Variants in RIMBP2 observed in about 807,000 individuals in gnomAD.
RIMBP2 encodes RIMS-binding protein 2.
In RIMBP2, 48 loss-of-function variants were observed where a neutral mutation model predicts 118.6. The ratio of observed to expected loss-of-function variants is 0.40; its 90% CI spans 0.32 to 0.51. The LOEUF is 0.51. Ranked by LOEUF, RIMBP2 falls within the 20% of genes least tolerant of loss-of-function variation. The pLI is 0.41. For synonymous variants in RIMBP2, 762 were observed against 742.9 expected, an observed-to-expected ratio of 1.03 and a Z score of -0.42; for missense variants, 1,551 against 1,768.3, an observed-to-expected ratio of 0.88 and a Z score of 2.20.
chr12:130,652,567 T>C (rs1482342901), intron 1 of RIMBP2, among the ~76,000 whole-genome samples: 1 of 152,226 alleles, frequency 6.6e-6, no homozygotes, highest in Non-Finnish European at 1.5e-5. Flanking sequence ...AAGGATTATA[T>C]TGGGCCGTAT....
intron 1 of RIMBP2, among the ~76,000 whole-genome samples, chr12:130,642,550 G>A (rs2141033695): frequency 6.6e-6 from 1 of 152,290 alleles, no homozygotes; most frequent in African/African-American, 2.4e-5. Context: ...CTCCTAAAGT[G>A]TTGGGATTAC....
chr12:130,553,097 G>A (rs1593770815), intron 2 of RIMBP2, among the ~76,000 whole-genome samples: 1 of 151,450 alleles, frequency 6.6e-6, no homozygotes, highest in South Asian at 2.1e-4. Context: ...AGCTTGCAGT[G>A]AGCCGAGATC....
intron 1 of RIMBP2, among the ~76,000 whole-genome samples, chr12:130,676,282 G>GA (rs35374453): frequency 0.32 from 46,319 of 146,590 alleles, 7,705 homozygotes; most frequent in Non-Finnish European, 0.39. Flanking sequence ...CCCAAAATTG[G>GA]AAAAAAAATC....
chr12:130,458,773 G>A (rs945932931), intron 6 of RIMBP2, among the ~76,000 whole-genome samples: 6 of 152,148 alleles, frequency 3.9e-5, no homozygotes, highest in Non-Finnish European at 7.4e-5. Context: ...GGCCAGGCAC[G>A]GTGGCTCACG....
At chr12:130,589,672 G>T in intron 2 of RIMBP2, among the ~76,000 whole-genome samples, 1 of 152,116 alleles carries the variant, frequency 6.6e-6, no homozygotes, top group Non-Finnish European at 1.5e-5. Flanking sequence ...TAATCCTTCC[G>T]CAATGTATAA....
intron 3 of RIMBP2, 57 bp downstream of exon 3, chr12:130,517,771 G>A (rs2051629269): frequency 1.4e-6 from 1 of 732,782 alleles, no homozygotes; most frequent in Non-Finnish European, 1.7e-6. Flanking sequence ...GTTCCTCCCT[G>A]GCCCAGCCCG....
In RIMBP2 at chr12:130,617,993, A is replaced by G. The variant is rs551964619; in HGVS notation, c.-217+10329T>C. Among the ~76,000 whole-genome samples, 137 of 131,320 alleles carry G rather than the reference A, an allele frequency of 1.0e-3. 1 individual carries two copies. Among genetic ancestry groups the G allele is most frequent in the African/African-American group, 3.4e-3 (125 of 36,680 alleles). 86.2% of individuals were successfully genotyped at this position (131,320 alleles called of 152,430 possible). A position where few individuals can be genotyped will look rare whatever the true frequency, so the allele number is the denominator to read the frequency against. The stretch of plus-strand genomic sequence containing the variant: ...GATCACTTGAGCCCAGGAGTTTGAG[A>G]CCAGCCTGGGCAACATAGAAAGACC... On this transcript the variant is annotated intron_variant, in intron 2 of 22. Coordinates refer to ENST00000690449, the MANE Select transcript of RIMBP2 (RefSeq NM_001393629.1). The surrounding 1 kb of genome is among the most constrained non-coding windows in gnomAD (Gnocchi z 4.6).
chr12:130,469,560 A>G lies in RIMBP2; in HGVS notation c.153+1133T>C, dbSNP rs1437097159. ...ATTCTCCCAGGTTATATATTTTCCT[A>G]TTTGCTATTCATCACACTCCTCCCT... On this transcript the variant is annotated intron_variant, in intron 6 of 22. Coordinates refer to ENST00000690449, the MANE Select transcript of RIMBP2 (RefSeq NM_001393629.1). The surrounding 1 kb of genome is among the most constrained non-coding windows in gnomAD (Gnocchi z 4.8). Among the ~76,000 whole-genome samples, 2 of 152,110 alleles carry G rather than the reference A, an allele frequency of 1.3e-5. No homozygotes were observed. Among genetic ancestry groups the G allele is most frequent in the Non-Finnish European group, 1.5e-5 (1 of 68,006 alleles).
At chr12:130,648,760 G>T (rs933417744) in intron 1 of RIMBP2, among the ~76,000 whole-genome samples, 1 of 143,698 alleles carries the variant, frequency 7.0e-6, no homozygotes, top group Non-Finnish European at 1.6e-5. Flanking sequence ...GGGTTCAAGC[G>T]ATTCTCGCTC....
chr12:130,497,776 C>T (rs1244378167), intron 4 of RIMBP2, among the ~76,000 whole-genome samples: 2 of 152,212 alleles, frequency 1.3e-5, no homozygotes, highest in Non-Finnish European at 2.9e-5. Context: ...TCACAATGCA[C>T]TCACTTCTGA....
intron 4 of RIMBP2, among the ~76,000 whole-genome samples, chr12:130,480,914 TTTTA>T (rs1278891794): frequency 6.6e-6 from 1 of 152,168 alleles, no homozygotes; most frequent in Non-Finnish European, 1.5e-5. Flanking sequence ...TTTTACTCAT[TTTTA>T]TTTAGTTTTG....
At position 130,565,970 on chromosome 12, in the gene RIMBP2, T is replaced by C. The variant is rs76270095; in HGVS notation, c.-216-48053A>G. Among the ~76,000 whole-genome samples the C allele has an allele frequency of 0.019, 2,958 of 152,312 alleles. 211 individuals carry two copies. The East Asian group carries it at 0.21, about 11-fold the overall frequency. The stretch of plus-strand genomic sequence containing the variant: ...ATGTGAAAACCTGTATCAGAGATGA[T>C]GCATTTTCTTCCTAGCAGGCTTGTC... On this transcript the variant is annotated intron_variant, in intron 2 of 22. Coordinates refer to ENST00000690449, the MANE Select transcript of RIMBP2 (RefSeq NM_001393629.1).
chr12:130,450,250 G>T lies in RIMBP2; in HGVS notation c.531C>A (p.Thr177=). ...SDMENERNSN[T]SKQRYSGKVH... is the part of the protein sequence containing the mutation. ...CCTTCCCCGAGTATCTCTGCTTGGA[G>T]GTATTGGAATTCCGTTCATTCTCCA... is the stretch of plus-strand genomic sequence containing the variant. The change falls in exon 9 of 23, where the codon ACC becomes ACA. Residue 177 remains threonine (T), a synonymous_variant. Transcript: ENST00000690449. The surrounding 1 kb of genome is among the most constrained non-coding windows in gnomAD (Gnocchi z 4.8). 1 of 1,609,776 alleles carries T rather than the reference G, an allele frequency of 6.2e-7. No homozygotes were observed.
Position 130,397,204 on chromosome 12 carries a change from T to G in RIMBP2, c.*157A>C. 1 of 376,996 alleles carries G rather than the reference T, an allele frequency of 2.7e-6. No individual in the cohort carries two copies. Among genetic ancestry groups the G allele is most frequent in the Non-Finnish European group, 4.7e-6 (1 of 212,746 alleles). The allele number at this position is 376,996 out of a possible 1,614,324, so 23.4% of individuals were successfully genotyped here. Reference sequence around the variant, plus strand: ...GAGCAACCGCTCCTCTTTGTTCTCGTGGTTGGTTTAAAGTGGTTGGTAGTG... The same window carrying G: ...GAGCAACCGCTCCTCTTTGTTCTCGGGGTTGGTTTAAAGTGGTTGGTAGTG... On this transcript the variant is annotated 3_prime_UTR_variant, in exon 23 of 23. Coordinates refer to ENST00000690449, the MANE Select transcript of RIMBP2 (RefSeq NM_001393629.1).
At chr12:130,534,536 C>T (rs1253497776) in intron 2 of RIMBP2, among the ~76,000 whole-genome samples, 2 of 152,174 alleles carry the variant, frequency 1.3e-5, no homozygotes, top group South Asian at 2.1e-4. Flanking sequence ...GCACTTGTAC[C>T]CCTTAAATAT....
intron 1 of RIMBP2, among the ~76,000 whole-genome samples, chr12:130,642,894 C>T (rs571876055): frequency 1.1e-4 from 16 of 152,286 alleles, no homozygotes; most frequent in African/African-American, 2.9e-4. Flanking sequence ...GCCACACTGC[C>T]GCTCACTGAG....
Position 130,478,905 on chromosome 12 carries a change from C to G in RIMBP2, c.102+7G>C, listed in dbSNP as rs370598221. The G allele has an allele frequency of 6.2e-7, 1 of 1,608,846 alleles. No individual in the cohort carries two copies. The highest frequency in any genetic ancestry group is 8.5e-7 in the Non-Finnish European group (1 of 1,176,548). On this transcript the variant is annotated splice_region_variant and intron_variant, in intron 5 of 22. Coordinates refer to ENST00000690449, the MANE Select transcript of RIMBP2 (RefSeq NM_001393629.1). The stretch of plus-strand genomic sequence containing the variant: ...TCGCACGCCGCGCCCGGCTGCCCGC[C>G]GCTTACCTTCTGCAGAAGGTCAATT...
chr12:130,454,657 G>A (rs987073166), intron 7 of RIMBP2, among the ~76,000 whole-genome samples: 1 of 152,268 alleles, frequency 6.6e-6, no homozygotes, highest in Non-Finnish European at 1.5e-5. Context: ...TCTGCCAGGC[G>A]GCCCTGGCTT....
chr12:130,579,022 T>A (rs1291490678), intron 2 of RIMBP2, among the ~76,000 whole-genome samples: 1 of 152,158 alleles, frequency 6.6e-6, no homozygotes, highest in East Asian at 1.9e-4. Flanking sequence ...TTTCTCAGGA[T>A]CTTTTGGTTT....
Sources: allele counts gnomAD v4.1 joint callset (sites outside exome capture counted in the v4.1 genomes callset), GRCh38; gene constraint gnomAD v4.1.1; non-coding constraint Gnocchi (gnomAD v3.1); transcripts MANE v1.5; gene names NCBI Gene and HGNC (gene_info 2026-07-23, HGNC 2026-07-21).